SORBS2: variants seen among roughly 807,000 people sequenced by gnomAD.
SORBS2 encodes sorbin and SH3 domain-containing protein 2.
A neutral mutation model predicts 97.7 loss-of-function variants in SORBS2; 46 were observed. That is an observed-to-expected ratio of 0.47 (90% CI 0.37 to 0.60). The LOEUF (loss-of-function observed/expected upper bound fraction) is 0.60. Among genes scored for constraint, SORBS2 ranks in the 20% least tolerant of loss-of-function variants. SORBS2 has a pLI of 0.00. For synonymous variants in SORBS2, 476 were observed against 473.4 expected, an observed-to-expected ratio of 1.01 and a Z score of -0.07; for missense variants, 1,316 against 1,282.3, an observed-to-expected ratio of 1.03 and a Z score of -0.40.
chr4:185,643,937 C>T lies in SORBS2; in HGVS notation c.396+2731G>A, dbSNP rs1401979320. 2.0e-5 allele frequency among the ~76,000 whole-genome samples: 3 copies of T among 152,160 alleles called. No individual in the cohort carries two copies. In the East Asian group the frequency reaches 5.8e-4, roughly 29 times the overall value. On this transcript the variant is annotated intron_variant, in intron 4 of 14. Transcript: ENST00000418609. ...CAACCTCTAGCCTGTATTTTCAACA[C>T]TTCAGAATCTTATGTAAACTATATC... is the stretch of plus-strand genomic sequence containing the variant.
chr4:185,941,651 T>A (rs1172488205), intron 1 of SORBS2, among the ~76,000 whole-genome samples: 1 of 152,114 alleles, frequency 6.6e-6, no homozygotes, highest in East Asian at 1.9e-4. Flanking sequence ...TCAGGTCCAG[T>A]TTTTCCTCCT....
intron 2 of SORBS2, among the ~76,000 whole-genome samples, chr4:185,694,642 C>T (rs575518807): frequency 4.6e-5 from 7 of 151,768 alleles, no homozygotes; most frequent in African/African-American, 4.8e-5. Context: ...AGCATGACTT[C>T]GGGTCTATAG....
intron 1 of SORBS2, among the ~76,000 whole-genome samples, chr4:185,791,265 T>G (rs2099078731): frequency 6.6e-6 from 1 of 152,168 alleles, no homozygotes; most frequent in Non-Finnish European, 1.5e-5. Flanking sequence ...TATGAATACA[T>G]TAAATGTTTA....
chr4:185,911,009 G>A (rs1383445856), intron 1 of SORBS2, among the ~76,000 whole-genome samples: 2 of 151,510 alleles, frequency 1.3e-5, no homozygotes, highest in South Asian at 2.1e-4. Context: ...TATGCATTGA[G>A]TCATTTAATA....
chr4:185,803,588 C>T (rs2099140636), intron 1 of SORBS2, among the ~76,000 whole-genome samples: 1 of 152,144 alleles, frequency 6.6e-6, no homozygotes, highest in Admixed American at 6.5e-5. Flanking sequence ...GGTAATTCTG[C>T]TCTTCTGCCA....
chr4:185,929,191 T>C (rs533304398), intron 1 of SORBS2, among the ~76,000 whole-genome samples: 2 of 152,310 alleles, frequency 1.3e-5, no homozygotes, highest in East Asian at 1.9e-4. Flanking sequence ...CCACTGTGGG[T>C]TCCTGGGCAG....
chr4:185,762,719 CAAT>C (rs1186552997), intron 2 of SORBS2, among the ~76,000 whole-genome samples: 1 of 152,184 alleles, frequency 6.6e-6, no homozygotes, highest in African/African-American at 2.4e-5. Context: ...GCTTTAGTAA[CAAT>C]GACATGAGAA....
chr4:185,772,760 A>T (rs1283043540), intron 2 of SORBS2: 2 of 152,252 alleles, frequency 1.3e-5, no homozygotes, highest in Admixed American at 6.5e-5. Flanking sequence ...ATGAAACTAT[A>T]GTAGAAGATG....
chr4:185,773,626 T>G (rs901190217), intron 2 of SORBS2: 1 of 152,240 alleles, frequency 6.6e-6, no homozygotes, highest in South Asian at 2.1e-4. Flanking sequence ...GACTGGGACT[T>G]AAACAGTCTC....
intron 1 of SORBS2, among the ~76,000 whole-genome samples, chr4:185,779,227 C>A (rs1435876426): frequency 6.6e-6 from 1 of 152,082 alleles, no homozygotes; most frequent in Non-Finnish European, 1.5e-5. Flanking sequence ...GGGTTCGAAT[C>A]CTCATCCTGC....
chr4:185,853,451 G>A (rs370736658), intron 1 of SORBS2, among the ~76,000 whole-genome samples: 118 of 152,252 alleles, frequency 7.8e-4, no homozygotes, highest in African/African-American at 2.7e-3. Flanking sequence ...CCCAAGAAAT[G>A]TACTTGGGAT....
chr4:185,637,477 G>A (rs1353693008), intron 4 of SORBS2, among the ~76,000 whole-genome samples: 2 of 152,246 alleles, frequency 1.3e-5, no homozygotes, highest in African/African-American at 4.8e-5. Context: ...ACTGTATTTT[G>A]TAGTGGGATT....
rs2097927400 is a variant in SORBS2, at chr4:185,684,971, T to C, written c.-197-6149A>G. The C allele has an allele frequency of 1.1e-5, 8 of 706,776 alleles. No individual in the cohort carries two copies. Among genetic ancestry groups the C allele is most frequent in the Non-Finnish European group, 2.4e-6 (1 of 420,446 alleles). 43.8% of individuals were successfully genotyped at this position (706,776 alleles called of 1,614,324 possible). On this transcript the variant is annotated intron_variant, in intron 2 of 20. Coordinates refer to the SORBS2 transcript ENST00000284776. The surrounding 1 kb of genome is among the most constrained non-coding windows in gnomAD (Gnocchi z 4.2). ...GATGAACAGTTAGAATTAGTAATCA[T>C]GGAATGCACCTGCCAATTTCACACC...
chr4:185,586,721 G>A (rs185129521), exon 15 of SORBS2: 1 of 152,730 alleles, frequency 6.5e-6, no homozygotes, highest in East Asian at 1.9e-4. Context: ...TCAGGTGTCT[G>A]TTAGAATAAT....
At chr4:185,618,620 T>C in exon 9 of SORBS2, 1 of 1,538,512 alleles carries the variant, frequency 6.5e-7, no homozygotes, top group Non-Finnish European at 8.9e-7. Context: ...AAACAGCTTT[T>C]GCAGGCAATT....
chr4:185,705,417 G>A (rs751843062), intron 2 of SORBS2, among the ~76,000 whole-genome samples: 30 of 151,988 alleles, frequency 2.0e-4, no homozygotes, highest in Non-Finnish European at 4.4e-5. Context: ...GTGGTGGTGC[G>A]CACCTGTAGT....
At chr4:185,635,519 G>T (rs1002528405) in intron 4 of SORBS2, 108 bp from the exon 16 acceptor site, 7 of 796,662 alleles carry the variant, frequency 8.8e-6, no homozygotes, top group Non-Finnish European at 1.3e-5. Flanking sequence ...TAGAAATTGA[G>T]TGTTGACAGC....
chr4:185,864,504 C>T (rs1262906903), intron 1 of SORBS2, among the ~76,000 whole-genome samples: 1 of 152,172 alleles, frequency 6.6e-6, no homozygotes, highest in African/African-American at 2.4e-5. Context: ...GAAATCATCA[C>T]CACTATCACT....
intron 2 of SORBS2, among the ~76,000 whole-genome samples, chr4:185,650,443 T>C (rs141405404): frequency 3.3e-5 from 5 of 152,206 alleles, no homozygotes; most frequent in Admixed American, 3.3e-4. Context: ...CTTGCACGGT[T>C]AGTAGAGAGC....
Sources: allele counts gnomAD v4.1 joint callset (sites outside exome capture counted in the v4.1 genomes callset), GRCh38; gene constraint gnomAD v4.1.1; non-coding constraint Gnocchi (gnomAD v3.1); transcripts MANE v1.5; gene names NCBI Gene and HGNC (gene_info 2026-07-23, HGNC 2026-07-21).